The following GABBR2 variants were observed in gnomAD, a reference collection of about 807,000 sequenced individuals.
The protein encoded by GABBR2 is gamma-aminobutyric acid type B receptor subunit 2, also known as G-protein coupled receptor 51.
A neutral mutation model predicts 105.6 loss-of-function variants in GABBR2; 23 were observed. That is an observed-to-expected ratio of 0.22 (90% CI 0.16 to 0.31). GABBR2 has a LOEUF of 0.31. Ranked by LOEUF, GABBR2 falls within the 10% of genes least tolerant of loss-of-function variation. GABBR2 has a pLI of 1.00. For missense variants in GABBR2, 734 were observed against 1,245.5 expected (o/e 0.59, Z 6.18); for synonymous variants, 478 against 499.7 (o/e 0.96, Z 0.58).
chr9:98,495,422 A>G (rs1197504803), intron 4 of GABBR2, among the ~76,000 whole-genome samples: 1 of 152,180 alleles, frequency 6.6e-6, no homozygotes, highest in East Asian at 1.9e-4. Flanking sequence ...GGCCTGAAGG[A>G]ATGGAGGAGA....
At chr9:98,451,298 G>T (rs1255098190) in intron 7 of GABBR2, among the ~76,000 whole-genome samples, 1 of 152,154 alleles carries the variant, frequency 6.6e-6, no homozygotes, top group Non-Finnish European at 1.5e-5. Flanking sequence ...CAGGCTCCAT[G>T]TGAGATTTTA....
intron 13 of GABBR2, among the ~76,000 whole-genome samples, chr9:98,348,340 G>A (rs1588114864): frequency 6.6e-6 from 1 of 152,104 alleles, no homozygotes; most frequent in South Asian, 2.1e-4. Context: ...CTATAGCTTT[G>A]TAGTATATTT....
intron 3 of GABBR2, among the ~76,000 whole-genome samples, chr9:98,505,134 G>A (rs1172087518): frequency 6.6e-6 from 1 of 152,198 alleles, no homozygotes; most frequent in Admixed American, 6.5e-5. Flanking sequence ...TAGATAGTGA[G>A]GTCTTTCAAA....
At chr9:98,307,961 T>C (rs1386865273) in intron 14 of GABBR2, among the ~76,000 whole-genome samples, 1 of 152,186 alleles carries the variant, frequency 6.6e-6, no homozygotes, top group African/African-American at 2.4e-5. Context: ...AGGCTAGGCA[T>C]GGTGGCTCAC....
At chr9:98,479,356 G>A (rs975102539) in intron 5 of GABBR2, among the ~76,000 whole-genome samples, 11 of 152,170 alleles carry the variant, frequency 7.2e-5, no homozygotes, top group African/African-American at 2.7e-4. Context: ...TCAGACAGGT[G>A]TTACAATCCC....
intron 1 of GABBR2, among the ~76,000 whole-genome samples, chr9:98,637,000 A>T (rs1299463167): frequency 6.6e-6 from 1 of 152,144 alleles, no homozygotes; most frequent in Non-Finnish European, 1.5e-5. Context: ...GGAAACAGTT[A>T]GCTCACCCGG....
At chr9:98,542,096 AC>A in intron 2 of GABBR2, 53 bp from the exon 3 acceptor site, 1 of 1,484,674 alleles carries the variant, frequency 6.7e-7, no homozygotes, top group Non-Finnish European at 9.3e-7. Context: ...CACAGCTGTG[AC>A]CCAGCATCTT....
intron 13 of GABBR2, 200 bp downstream of exon 13, chr9:98,362,515 T>C (rs1831603825): frequency 3.0e-6 from 1 of 338,672 alleles, no homozygotes; most frequent in South Asian, 1.4e-4. Flanking sequence ...ATTCTGCGTG[T>C]ATTAATATTA....
rs543474012 is a variant in GABBR2 at position 98,438,575 on chromosome 9, A to G, written c.1236+15406T>C. Among the ~76,000 whole-genome samples, 10 of 152,332 alleles carry G rather than the reference A, an allele frequency of 6.6e-5. No individual in the cohort carries two copies. In the South Asian group the frequency reaches 2.1e-3, roughly 32 times the overall value. On this transcript the variant is annotated intron_variant, in intron 7 of 18. Coordinates refer to ENST00000259455, the MANE Select transcript of GABBR2 (RefSeq NM_005458.8). ...AGTAGAAGTTAATTCATGCAAGCGA[A>G]TGAATTAACTGGAATCAAAATTATT...
At chr9:98,430,774 AG>A (rs1825794157) in intron 7 of GABBR2, among the ~76,000 whole-genome samples, 1 of 151,958 alleles carries the variant, frequency 6.6e-6, no homozygotes, top group Non-Finnish European at 1.5e-5. Context: ...CAAGACTGCC[AG>A]GCTCTGTTTG....
At chr9:98,316,080 T>C (rs1830711970) in intron 13 of GABBR2, among the ~76,000 whole-genome samples, 1 of 152,048 alleles carries the variant, frequency 6.6e-6, no homozygotes, top group Non-Finnish European at 1.5e-5. Flanking sequence ...TTCTCTTCTG[T>C]ACAGGACAGC....
intron 2 of GABBR2, among the ~76,000 whole-genome samples, chr9:98,576,740 C>T (rs1279518341): frequency 6.6e-6 from 1 of 152,186 alleles, no homozygotes; most frequent in East Asian, 1.9e-4. Flanking sequence ...CCTCCATATA[C>T]AACCTTAATA....
chr9:98,533,270 C>T (rs1828102957), intron 3 of GABBR2, among the ~76,000 whole-genome samples: 1 of 152,082 alleles, frequency 6.6e-6, no homozygotes, highest in Non-Finnish European at 1.5e-5. Context: ...GACAGGGAGA[C>T]CCTGGGCTTG....
At chr9:98,299,458 C>T in intron 16 of GABBR2, 105 bp from the exon 17 acceptor site, 1 of 1,191,558 alleles carries the variant, frequency 8.4e-7, no homozygotes, top group Non-Finnish European at 1.2e-6. Flanking sequence ...TACCTGTATT[C>T]AGGAGTGCCC....
At chr9:98,700,328 G>T (rs1830813761) in intron 1 of GABBR2, among the ~76,000 whole-genome samples, 1 of 152,150 alleles carries the variant, frequency 6.6e-6, no homozygotes, top group South Asian at 2.1e-4. Context: ...ATCAGCTAAT[G>T]GTCATCAGCT....
At chr9:98,654,746 G>A (rs574081154) in intron 1 of GABBR2, among the ~76,000 whole-genome samples, 1 of 152,270 alleles carries the variant, frequency 6.6e-6, no homozygotes, top group Non-Finnish European at 1.5e-5. Context: ...GAGCCCCTTG[G>A]TCTTCACCCA....
intron 1 of GABBR2, among the ~76,000 whole-genome samples, chr9:98,605,142 C>T (rs1373083443): frequency 6.6e-6 from 1 of 152,234 alleles, no homozygotes; most frequent in Non-Finnish European, 1.5e-5. Context: ...ACCAGGGCAG[C>T]AATGCCCCTC....
chr9:98,496,343 A>G, intron 4 of GABBR2, 70 bp downstream of exon 4: 1 of 945,914 alleles, frequency 1.1e-6, no homozygotes, highest in South Asian at 1.3e-5. Flanking sequence ...GCTCTTTCAT[A>G]GTCAGGTAAT....
At chr9:98,481,330 C>A (rs1242197219) in intron 4 of GABBR2, among the ~76,000 whole-genome samples, 1 of 152,216 alleles carries the variant, frequency 6.6e-6, no homozygotes, top group Admixed American at 6.5e-5. Context: ...GCAGGCAAAT[C>A]CTGCAGTCCA....
Sources: gnomAD v4.1 joint callset for allele counts (sites outside exome capture counted in the v4.1 genomes callset) on GRCh38, gnomAD v4.1.1 for gene constraint, MANE v1.5 for transcripts, NCBI Gene and HGNC (gene_info 2026-07-23, HGNC 2026-07-21) for gene names.